The following SNTB1 variants were observed in gnomAD, a reference collection of about 807,000 sequenced individuals.
The protein encoded by SNTB1 is beta-1-syntrophin.
In SNTB1, 36 loss-of-function variants were observed where a neutral mutation model predicts 48.9. The ratio of observed to expected loss-of-function variants is 0.74; its 90% CI spans 0.56 to 0.97. The LOEUF (loss-of-function observed/expected upper bound fraction) is 0.97. Ranked by LOEUF, SNTB1 falls within the 50% of genes least tolerant of loss-of-function variation. The pLI is 0.00. For synonymous variants in SNTB1, 299 were observed against 294.6 expected (o/e 1.01, Z -0.15); for missense variants, 786 against 703.4 (o/e 1.12, Z -1.33).
chr8:120,640,831 A>G (rs1039699114), intron 2 of SNTB1, among the ~76,000 whole-genome samples: 2 of 152,138 alleles, frequency 1.3e-5, no homozygotes, highest in Non-Finnish European at 2.9e-5. Context: ...ATATTGGTCT[A>G]AAATTCTTTT....
intron 5 of SNTB1, among the ~76,000 whole-genome samples, chr8:120,548,057 C>T (rs1815412926): frequency 1.3e-5 from 2 of 152,142 alleles, no homozygotes; most frequent in African/African-American, 4.8e-5. Flanking sequence ...TTGGTTCCCT[C>T]CTCCTTTCAG....
chr8:120,770,564 C>T (rs919836238), intron 1 of SNTB1, among the ~76,000 whole-genome samples: 3 of 152,152 alleles, frequency 2.0e-5, no homozygotes, highest in East Asian at 3.9e-4. Flanking sequence ...GTAATCCCAG[C>T]ACTTTGGGAG....
At chr8:120,664,895 A>G (rs1817649051) in intron 2 of SNTB1, among the ~76,000 whole-genome samples, 1 of 152,236 alleles carries the variant, frequency 6.6e-6, no homozygotes, top group African/African-American at 2.4e-5. Flanking sequence ...AAACTGAAGT[A>G]TATGAAGGTC....
chr8:120,607,949 G>C (rs1238494789), intron 3 of SNTB1, among the ~76,000 whole-genome samples: 2 of 152,234 alleles, frequency 1.3e-5, no homozygotes, highest in Non-Finnish European at 2.9e-5. Flanking sequence ...ATTTGGATAG[G>C]ATAAAAGGTC....
At chr8:120,743,112 G>A (rs1007620226) in intron 1 of SNTB1, among the ~76,000 whole-genome samples, 1 of 152,200 alleles carries the variant, frequency 6.6e-6, no homozygotes, top group East Asian at 1.9e-4. Flanking sequence ...TTCTCTGAAA[G>A]CAAGTCAGTG....
intron 4 of SNTB1, among the ~76,000 whole-genome samples, chr8:120,555,080 T>C (rs1387473449): frequency 6.6e-6 from 1 of 152,196 alleles, no homozygotes; most frequent in African/African-American, 2.4e-5. Flanking sequence ...CCTCATAAGA[T>C]GCATATGTCA....
At chr8:120,578,089 G>A (rs1815979394) in intron 3 of SNTB1, among the ~76,000 whole-genome samples, 6 of 152,176 alleles carry the variant, frequency 3.9e-5, no homozygotes, top group Admixed American at 3.3e-4. Context: ...CTGGAGTGCA[G>A]TGGTGCGATC....
intron 1 of SNTB1, among the ~76,000 whole-genome samples, chr8:120,724,383 T>C (rs1442876040): frequency 6.6e-6 from 1 of 152,232 alleles, no homozygotes; most frequent in East Asian, 1.9e-4. Flanking sequence ...GTAAGGGGTA[T>C]GTGTCTCCTG....
At chr8:120,555,499 C>A (rs1032051511) in intron 4 of SNTB1, among the ~76,000 whole-genome samples, 9 of 152,000 alleles carry the variant, frequency 5.9e-5, no homozygotes, top group Non-Finnish European at 7.4e-5. Flanking sequence ...TACACGTGGC[C>A]GGCAGAGAAG....
chr8:120,720,714 A>G (rs1259501825), intron 1 of SNTB1, among the ~76,000 whole-genome samples: 4 of 152,256 alleles, frequency 2.6e-5, no homozygotes, highest in African/African-American at 7.2e-5. Context: ...GGTGACTTGC[A>G]GAAGTCATTA....
At chr8:120,721,666 T>C (rs549650116) in intron 1 of SNTB1, among the ~76,000 whole-genome samples, 1 of 152,186 alleles carries the variant, frequency 6.6e-6, no homozygotes, top group African/African-American at 2.4e-5. Context: ...TTTATATAGG[T>C]TTCCTTAGGG....
chr8:120,545,859 G>T (rs1166562475), intron 5 of SNTB1, among the ~76,000 whole-genome samples: 1 of 152,316 alleles, frequency 6.6e-6, no homozygotes, highest in East Asian at 1.9e-4. Flanking sequence ...ATAATTACAA[G>T]AACAACAACT....
At chr8:120,586,565 A>G (rs1816144950) in intron 3 of SNTB1, among the ~76,000 whole-genome samples, 1 of 152,060 alleles carries the variant, frequency 6.6e-6, no homozygotes, top group African/African-American at 2.4e-5. Context: ...TTATAAGGAC[A>G]CTTGTGATGA....
In SNTB1 at chr8:120,811,705, C is replaced by A; in HGVS notation, c.139G>T (p.Val47Phe). Residue 47 changes from valine (V) to phenylalanine (F), a missense_variant, in exon 1 of 7, where the codon GTT becomes TTT. Coordinates refer to ENST00000517992, the MANE Select transcript of SNTB1 (RefSeq NM_021021.4). ...GCAGCGCCCTCCTCGCTGCTCAGAA[C>A]CAGGGCGTCCTCGCTCAAGTTCACC... is the stretch of plus-strand genomic sequence containing the variant. The part of the protein sequence containing the change: ...VLVNLSEDAL[V>F]LSSEEGAAAY... 1 of 1,580,212 alleles carries A rather than the reference C, an allele frequency of 6.3e-7. No homozygotes were observed.
intron 4 of SNTB1, among the ~76,000 whole-genome samples, chr8:120,554,686 G>C (rs1174950491): frequency 6.6e-6 from 1 of 152,026 alleles, no homozygotes; most frequent in East Asian, 1.9e-4. Context: ...GAAGTGTTTC[G>C]AGTCTAACAC....
chr8:120,646,743 C>T (rs1174536971), intron 2 of SNTB1, among the ~76,000 whole-genome samples: 3 of 152,066 alleles, frequency 2.0e-5, no homozygotes, highest in African/African-American at 7.2e-5. Context: ...AGGAATGGTA[C>T]CAGTTCCTCC....
intron 1 of SNTB1, among the ~76,000 whole-genome samples, chr8:120,804,955 C>T (rs544226276): frequency 1.3e-5 from 2 of 152,166 alleles, no homozygotes; most frequent in Non-Finnish European, 2.9e-5. Flanking sequence ...GCCATTTTTC[C>T]TCCCTCTTGT....
rs890223259 is a variant in SNTB1, at chr8:120,542,290, A to G, written c.1334-290T>C. ...CTTATCCAGCCATCTAACAACACACAGCTCTATAGGTGTACTTGCCTTCCA... is the reference window on the plus strand; with the variant it reads ...CTTATCCAGCCATCTAACAACACACGGCTCTATAGGTGTACTTGCCTTCCA... On this transcript the variant is annotated intron_variant, in intron 5 of 6. Coordinates refer to ENST00000517992, the MANE Select transcript of SNTB1 (RefSeq NM_021021.4). 5.9e-5 allele frequency among the ~76,000 whole-genome samples: 9 copies of G among 152,346 alleles called. No individual in the cohort carries two copies. The East Asian group carries it at 1.7e-3, about 29-fold the overall frequency.
At chr8:120,614,222 G>T (rs933398625) in intron 3 of SNTB1, among the ~76,000 whole-genome samples, 1 of 152,074 alleles carries the variant, frequency 6.6e-6, no homozygotes, top group Non-Finnish European at 1.5e-5. Context: ...TGTAATATGA[G>T]GCAGCTGAAA....
Sources: gnomAD v4.1 joint callset for allele counts (sites outside exome capture counted in the v4.1 genomes callset) on GRCh38, gnomAD v4.1.1 for gene constraint, MANE v1.5 for transcripts, NCBI Gene and HGNC (gene_info 2026-07-23, HGNC 2026-07-21) for gene names.